Variants in NALCN observed in about 807,000 individuals in gnomAD.
The protein encoded by NALCN is sodium leak channel NALCN.
Under a neutral mutation model 225.3 loss-of-function variants are expected in NALCN, and 111 were observed. The observed-to-expected ratio is 0.49, with a 90% CI of 0.42 to 0.58. NALCN has a LOEUF of 0.58. Ranked by LOEUF, NALCN falls within the 20% of genes least tolerant of loss-of-function variation. NALCN has a pLI of 0.00. For missense variants in NALCN, 1,378 were observed against 2,202.4 expected, an observed-to-expected ratio of 0.63 and a Z score of 7.49; for synonymous variants, 764 against 769.0, an observed-to-expected ratio of 0.99 and a Z score of 0.11.
At chr13:101,300,590 C>T (rs2043929628) in intron 7 of NALCN, among the ~76,000 whole-genome samples, 1 of 152,184 alleles carries the variant, frequency 6.6e-6, no homozygotes, top group East Asian at 1.9e-4. Context: ...GCTGGGATTA[C>T]AGGCATAAGC....
At chr13:101,314,547 T>C (rs957599775) in intron 7 of NALCN, among the ~76,000 whole-genome samples, 1 of 152,188 alleles carries the variant, frequency 6.6e-6, no homozygotes, top group Non-Finnish European at 1.5e-5. Flanking sequence ...CTATCTCTAG[T>C]AAAATACAAT....
chr13:101,055,413 A>T lies in NALCN; in HGVS notation c.5099T>A (p.Val1700Glu), dbSNP rs2031093457. 2 of 1,614,130 alleles carry T rather than the reference A, an allele frequency of 1.2e-6. No homozygotes were observed. Among genetic ancestry groups the T allele is most frequent in the Non-Finnish European group, 1.7e-6 (2 of 1,180,002 alleles). Residue 1700 changes from valine to glutamate, a missense_variant, in exon 44 of 44, where the codon GTG (valine) becomes GAG (glutamate). By Grantham distance (121) the Val-to-Glu change is moderately radical (BLOSUM62 -2). Transcript: ENST00000251127. ...FGGRTTMKSV[V>E]CKMNPMTDAA... The stretch of plus-strand genomic sequence containing the variant: ...GTCAGTCATGGGGTTCATTTTGCAC[A>T]CGACAGATTTCATGGTTGTCCTTCC...
At chr13:101,316,942 A>G (rs1463374434) in intron 7 of NALCN, among the ~76,000 whole-genome samples, 2 of 152,200 alleles carry the variant, frequency 1.3e-5, no homozygotes, top group African/African-American at 4.8e-5. Flanking sequence ...TAGATTGTTA[A>G]ATGCCTTTTC....
At chr13:101,315,777 A>G (rs994342487) in intron 7 of NALCN, among the ~76,000 whole-genome samples, 64 of 152,306 alleles carry the variant, frequency 4.2e-4, no homozygotes, top group African/African-American at 1.5e-3. Flanking sequence ...GAAAGCATAT[A>G]CTTAGAAATA....
intron 7 of NALCN, among the ~76,000 whole-genome samples, chr13:101,330,389 C>A (rs1419745009): frequency 2.0e-5 from 3 of 151,976 alleles, no homozygotes; most frequent in African/African-American, 7.3e-5. Flanking sequence ...TTGGGAGGCA[C>A]CTAATATAAG....
At chr13:101,071,544 C>T (rs1235085714) in intron 37 of NALCN, among the ~76,000 whole-genome samples, 2 of 152,140 alleles carry the variant, frequency 1.3e-5, no homozygotes, top group Non-Finnish European at 2.9e-5. Context: ...TTTTCTACAG[C>T]GTCCTCACCT....
intron 3 of NALCN, among the ~76,000 whole-genome samples, chr13:101,390,517 C>G (rs2047114800): frequency 6.6e-6 from 1 of 151,936 alleles, no homozygotes; most frequent in Non-Finnish European, 1.5e-5. Flanking sequence ...GAAAACAATG[C>G]AATAAAATAA....
intron 1 of NALCN, among the ~76,000 whole-genome samples, chr13:101,409,308 G>A (rs1484210148): frequency 6.6e-6 from 1 of 152,146 alleles, no homozygotes; most frequent in Admixed American, 6.5e-5. Context: ...TGTAGTAGGA[G>A]CATTTAACAC....
chr13:101,081,443 G>A (rs2033644664), intron 34 of NALCN, 84 bp downstream of exon 34: 1 of 1,588,152 alleles, frequency 6.3e-7, no homozygotes, highest in Admixed American at 1.7e-5. Context: ...TTGATGTGGA[G>A]TAAAATGAGA....
chr13:101,089,947 T>TA lies in NALCN; in HGVS notation c.3288dup (p.Asn1097Ter). 6.2e-7 allele frequency: 1 copy of TA among 1,613,876 alleles called. No homozygotes were observed. Reference sequence around the variant, plus strand: ...ATAGCGTTTCCCACATTGTCGAAATTAAAGTTCCGAGGATTCGCCCTGCGA... The same window carrying TA: ...ATAGCGTTTCCCACATTGTCGAAATTAAAAGTTCCGAGGATTCGCCCTGCGA... On this transcript the variant is annotated frameshift_variant, in exon 29 of 44. Coordinates refer to ENST00000251127, the MANE Select transcript of NALCN (RefSeq NM_052867.4). LOFTEE classifies it high-confidence loss of function. This position sits in a 1 kb window ranked among gnomAD's most constrained non-coding sequence, Gnocchi z 4.7.
Position 101,076,547 on chromosome 13 carries a change from C to T in NALCN, c.3886-606G>A, listed in dbSNP as rs987947286. ...TAACTGCAATAACAACCTTGACATTCAGCCGATGCCAGAGTGTGATTACTC... is the reference window on the plus strand; with the variant it reads ...TAACTGCAATAACAACCTTGACATTTAGCCGATGCCAGAGTGTGATTACTC... On this transcript the variant is annotated intron_variant, in intron 34 of 43. Coordinates refer to ENST00000251127, the MANE Select transcript of NALCN (RefSeq NM_052867.4). Among the ~76,000 whole-genome samples the T allele has an allele frequency of 5.9e-5, 9 of 152,338 alleles. No homozygotes were observed. In the East Asian group the frequency reaches 1.7e-3, roughly 29 times the overall value.
Position 101,148,797 on chromosome 13 carries a change from TAAAAG to T in NALCN, c.1840-3906_1840-3902del, listed in dbSNP as rs2037485824. On this transcript the variant is annotated intron_variant, in intron 15 of 43. Transcript: ENST00000251127. ...AACTCTCCAGCAGACAACTGGGAAA[TAAAAG>T]AAAAGATTTTAGATATATCCTGAAG... Among the ~76,000 whole-genome samples the T allele has an allele frequency of 2.6e-5, 4 of 152,226 alleles. No individual in the cohort carries two copies. In the South Asian group the frequency reaches 6.2e-4, roughly 24 times the overall value.
chr13:101,187,035 C>T (rs1341544854), intron 14 of NALCN, among the ~76,000 whole-genome samples: 1 of 152,112 alleles, frequency 6.6e-6, no homozygotes, highest in African/African-American at 2.4e-5. Context: ...ACGTTGTACC[C>T]CATAAATACA....
chr13:101,188,559 T>TATATATACACACACATATATATAC (rs1218500115), intron 14 of NALCN, among the ~76,000 whole-genome samples: 7 of 151,702 alleles, frequency 4.6e-5, no homozygotes, highest in Admixed American at 1.3e-4. Context: ...TATGTATACA[T>TATATATACACACACATATATATAC]ATATATACAC....
At chr13:101,160,318 CT>C (rs1369834729) in intron 15 of NALCN, among the ~76,000 whole-genome samples, 1 of 152,134 alleles carries the variant, frequency 6.6e-6, no homozygotes, top group Non-Finnish European at 1.5e-5. Flanking sequence ...TTCTTTTTCG[CT>C]TTGTCTGTGT....
chr13:101,063,198 C>T (rs993388331), intron 40 of NALCN, among the ~76,000 whole-genome samples: 1 of 152,224 alleles, frequency 6.6e-6, no homozygotes. Context: ...GAGCTCAGTT[C>T]CATCCTAGAG....
intron 15 of NALCN, among the ~76,000 whole-genome samples, chr13:101,149,064 T>C (rs7984866): frequency 0.75 from 114,045 of 152,022 alleles, 43,141 homozygotes; most frequent in East Asian, 1. Context: ...GAGGCCGAGG[T>C]GGGCGGATCA....
intron 11 of NALCN, among the ~76,000 whole-genome samples, chr13:101,241,101 G>A (rs2140165671): frequency 6.6e-6 from 1 of 152,302 alleles, no homozygotes; most frequent in Middle Eastern, 3.4e-3. Flanking sequence ...GAAAGCACCA[G>A]GAAACCCACA....
intron 17 of NALCN, among the ~76,000 whole-genome samples, chr13:101,129,723 T>A (rs1187182973): frequency 6.6e-6 from 1 of 151,974 alleles, no homozygotes; most frequent in African/African-American, 2.4e-5. Context: ...GGATTTTTTT[T>A]TTTTTTTTTT....
Sources: gnomAD v4.1 joint callset for allele counts (sites outside exome capture counted in the v4.1 genomes callset) on GRCh38, gnomAD v4.1.1 for gene constraint, Gnocchi (gnomAD v3.1) non-coding constraint, MANE v1.5 for transcripts, NCBI Gene and HGNC (gene_info 2026-07-23, HGNC 2026-07-21) for gene names.